Variants in NUP153 observed in about 807,000 individuals in gnomAD.
NUP153 encodes nucleoporin 153, also known as nuclear pore complex protein Nup153.
NUP153 carries 27 observed loss-of-function variants against 134.6 expected under a neutral mutation model. The observed-to-expected ratio is 0.20, with a 90% CI of 0.15 to 0.28. The LOEUF is 0.28. Ranked by LOEUF, NUP153 falls within the 10% of genes least tolerant of loss-of-function variation. The pLI, the probability that NUP153 is intolerant of heterozygous loss-of-function variation, is 1.00. For missense variants in NUP153, 1,821 were observed against 1,731.3 expected (o/e 1.05, Z -0.92); for synonymous variants, 640 against 623.5 (o/e 1.03, Z -0.40).
chr6:17,690,270 T>TGGACCCGGGTGGCGTAGCTTGCAGTGA (rs1554146524), intron 1 of NUP153, among the ~76,000 whole-genome samples: 1 of 151,404 alleles, frequency 6.6e-6, no homozygotes, highest in Non-Finnish European at 1.5e-5. Flanking sequence ...GAGAATGGCG[T>TGGACCCGGGTGGCGTAGCTTGCAGTGA]GAACCCGGGT....
chr6:17,704,110 G>C (rs905144659), intron 1 of NUP153, among the ~76,000 whole-genome samples: 1 of 152,320 alleles, frequency 6.6e-6, no homozygotes, highest in Non-Finnish European at 1.5e-5. Flanking sequence ...GGCTAACATG[G>C]TGAAACCCCG....
chr6:17,615,994 T>A lies in NUP153; in HGVS notation c.*103A>T. On this transcript the variant is annotated 3_prime_UTR_variant, in exon 22 of 22. Transcript: ENST00000262077. The surrounding 1 kb of genome is among the most constrained non-coding windows in gnomAD (Gnocchi z 5.7). The stretch of plus-strand genomic sequence containing the variant: ...AAAATTCCAAAATTAAAGAAGTCCT[T>A]AGGCAGATCTGACTTCAGATAACCC... 1 of 812,930 alleles carries A rather than the reference T, an allele frequency of 1.2e-6. No homozygotes were observed. Among genetic ancestry groups the A allele is most frequent in the South Asian group, 1.7e-5 (1 of 58,154 alleles). 50.4% of individuals were successfully genotyped at this position (812,930 alleles called of 1,614,324 possible).
rs1007105029 is a variant in NUP153, at chr6:17,625,815, G to A, written c.3894C>T (p.Ser1298=). ...GFGFGATTTS[S]SAGSSFVFGT... ...TTTCTTTTGTAAATGTACCTGCAGAGCTAGATGTGGTTGTGGCTCCAAAGC... is the reference window on the plus strand; with the variant it reads ...TTTCTTTTGTAAATGTACCTGCAGAACTAGATGTGGTTGTGGCTCCAAAGC... The change falls in exon 19 of 22, where the codon AGC becomes AGT. Residue 1298 remains serine (S), a synonymous_variant. Transcript: ENST00000262077. The surrounding 1 kb of genome is among the most constrained non-coding windows in gnomAD (Gnocchi z 4.7). The A allele has an allele frequency of 3.7e-6, 6 of 1,611,436 alleles. No individual in the cohort carries two copies. The highest frequency in any genetic ancestry group is 4.2e-6 in the Non-Finnish European group (5 of 1,177,686).
intron 1 of NUP153, among the ~76,000 whole-genome samples, chr6:17,703,030 G>A (rs1313999902): frequency 1.3e-5 from 2 of 150,554 alleles, no homozygotes; most frequent in East Asian, 2.0e-4. Flanking sequence ...GCGAAATCCC[G>A]TCTCTAAAAA....
chr6:17,639,334 C>T (rs1173284264), intron 15 of NUP153, among the ~76,000 whole-genome samples: 1 of 152,204 alleles, frequency 6.6e-6, no homozygotes, highest in Non-Finnish European at 1.5e-5. Flanking sequence ...CCGTCTTGGC[C>T]TCCCAAAGTG....
At position 17,675,155 on chromosome 6, in the gene NUP153, G is replaced by GAA. The variant is rs11418400; in HGVS notation, c.723+72_723+73dup. 3.6e-3 allele frequency: 4,637 copies of GAA among 1,279,744 alleles called. No individual in the cohort carries two copies. The highest frequency in any genetic ancestry group is 5.8e-3 in the South Asian group (393 of 68,322). The allele number at this position is 1,279,744 out of a possible 1,614,324, so 79.3% of individuals were successfully genotyped here. ...GCAACAGCAAAAGACTCTTGTCTCA[G>GAA]AAAAAAAAAAAAAAATTATAAGCAA... On this transcript the variant is annotated intron_variant, in intron 4 of 21. Coordinates refer to ENST00000262077, the MANE Select transcript of NUP153 (RefSeq NM_005124.4). The surrounding 1 kb of genome is among the most constrained non-coding windows in gnomAD (Gnocchi z 4.4).
rs754811423 is a variant in NUP153, at chr6:17,626,133, G to T, written c.3576C>A (p.Phe1192Leu). 4 of 1,612,978 alleles carry T rather than the reference G, an allele frequency of 2.5e-6. No individual in the cohort carries two copies. The highest frequency in any genetic ancestry group is 2.2e-5 in the South Asian group (2 of 91,028). ...TTGAACTAGAGGAACTGTTGTTCAA[G>T]AAACTAAAAACTGGCTTTGCTGCAC... ...DQGAAKPVFS[F>L]LNNSSSSSST... The change falls in exon 19 of 22, where the codon TTC becomes TTA. Residue 1192 changes from phenylalanine to leucine, a missense_variant. Physicochemically the swap from Phe to Leu is conservative, Grantham distance 22 (BLOSUM62 0). Coordinates refer to ENST00000262077, the MANE Select transcript of NUP153 (RefSeq NM_005124.4).
rs71002244 is a variant in NUP153, at chr6:17,670,095, CAAAAAAAAAAAAAA to C, written c.853-563_853-550del. Among the ~76,000 whole-genome samples, 14 of 65,152 alleles carry C rather than the reference CAAAAAAAAAAAAAA, an allele frequency of 2.1e-4. No individual in the cohort carries two copies. The South Asian group carries it at 7.4e-3, about 35-fold the overall frequency. 42.7% of individuals were successfully genotyped at this position (65,152 alleles called of 152,430 possible). ...TGGGCAACAGAGCGAGACTCTTTCTCAAAAAAAAAAAAAAAAAAAAAAAAAGTACTACACGCTAG... is the reference window on the plus strand; with the variant it reads ...TGGGCAACAGAGCGAGACTCTTTCTCAAAAAAAAAAAGTACTACACGCTAG... On this transcript the variant is annotated intron_variant, in intron 5 of 21. Coordinates refer to ENST00000262077, the MANE Select transcript of NUP153 (RefSeq NM_005124.4).
At chr6:17,640,566 A>G (rs771127372) in intron 14 of NUP153, among the ~76,000 whole-genome samples, 2 of 152,232 alleles carry the variant, frequency 1.3e-5, no homozygotes, top group Non-Finnish European at 2.9e-5. Context: ...GTATATGGTT[A>G]CATAAATTAC....
intron 16 of NUP153, 26 bp downstream of exon 16, chr6:17,637,127 A>G: frequency 6.3e-7 from 1 of 1,576,974 alleles, no homozygotes; most frequent in South Asian, 1.2e-5. Context: ...AATAAGCAAA[A>G]TTACTCCATA....
chr6:17,670,146 G>T (rs1581736148), intron 5 of NUP153, among the ~76,000 whole-genome samples: 1 of 135,864 alleles, frequency 7.4e-6, no homozygotes, highest in African/African-American at 2.7e-5. Context: ...TTAAGCTTTA[G>T]AAAAAGCTCT....
At position 17,696,528 on chromosome 6, in the gene NUP153, G is replaced by A. The variant is rs536670379; in HGVS notation, c.112-7910C>T. 6.6e-5 allele frequency among the ~76,000 whole-genome samples: 10 copies of A among 152,306 alleles called. No individual in the cohort carries two copies. The South Asian group carries it at 2.1e-3, about 32-fold the overall frequency. ...CCCAGTACTTTGAGAGGCCGAGGCG[G>A]GTGGATCACAAGGTCAGGAGATCGA... On this transcript the variant is annotated intron_variant, in intron 1 of 21. Coordinates refer to ENST00000262077, the MANE Select transcript of NUP153 (RefSeq NM_005124.4).
chr6:17,642,934 G>A (rs1204098210), intron 14 of NUP153, among the ~76,000 whole-genome samples: 2 of 152,202 alleles, frequency 1.3e-5, no homozygotes, highest in Non-Finnish European at 2.9e-5. Flanking sequence ...AAGCCACATT[G>A]TATGATTCTA....
chr6:17,698,424 T>A (rs1769806672), intron 1 of NUP153, among the ~76,000 whole-genome samples: 1 of 151,974 alleles, frequency 6.6e-6, no homozygotes, highest in Middle Eastern at 3.2e-3. Context: ...AAACCCTGTC[T>A]CTACCGAAAA....
intron 20 of NUP153, among the ~76,000 whole-genome samples, chr6:17,618,452 T>C (rs1285896261): frequency 4.0e-5 from 6 of 150,684 alleles, no homozygotes; most frequent in Non-Finnish European, 8.8e-5. Context: ...GAATACTTCA[T>C]CCACTGGAGA....
In NUP153 at chr6:17,646,104, A is replaced by C. The variant is rs755816459; in HGVS notation, c.1683T>G (p.Gly561=). 2 of 1,602,622 alleles carry C rather than the reference A, an allele frequency of 1.2e-6. No homozygotes were observed. Among genetic ancestry groups the C allele is most frequent in the Non-Finnish European group, 1.7e-6 (2 of 1,170,170 alleles). ...TAATTGGTTCTAAAGTACTACTAGAACCAGAAAGTTCTGCTGTTTTTGCAA... is the reference window on the plus strand; with the variant it reads ...TAATTGGTTCTAAAGTACTACTAGACCCAGAAAGTTCTGCTGTTTTTGCAA... ...VPVAKTAELS[G]SSSTLEPIIS... Residue 561 remains glycine (G), a synonymous_variant, in exon 14 of 22, where the codon GGT becomes GGG. Coordinates refer to ENST00000262077, the MANE Select transcript of NUP153 (RefSeq NM_005124.4).
intron 20 of NUP153, chr6:17,619,487 T>C (rs1764531277): frequency 6.6e-6 from 1 of 152,180 alleles, no homozygotes; most frequent in Admixed American, 6.5e-5. Context: ...CAAGAAAGCC[T>C]GGTAGGAGGA....
At chr6:17,692,212 T>C (rs1420522638) in intron 1 of NUP153, among the ~76,000 whole-genome samples, 2 of 152,146 alleles carry the variant, frequency 1.3e-5, no homozygotes, top group African/African-American at 2.4e-5. Flanking sequence ...CTAAAATACA[T>C]GAACTTAGAT....
intron 11 of NUP153, among the ~76,000 whole-genome samples, chr6:17,657,085 A>G (rs1378773550): frequency 6.6e-6 from 1 of 152,184 alleles, no homozygotes; most frequent in Non-Finnish European, 1.5e-5. Flanking sequence ...CTTCAGCTTC[A>G]GTTTTTAAAA....
Sources: gnomAD v4.1 joint callset for allele counts (sites outside exome capture counted in the v4.1 genomes callset) on GRCh38, gnomAD v4.1.1 for gene constraint, Gnocchi (gnomAD v3.1) non-coding constraint, MANE v1.5 for transcripts, NCBI Gene and HGNC (gene_info 2026-07-23, HGNC 2026-07-21) for gene names.